LHFPL3: variants seen among roughly 807,000 people sequenced by gnomAD.
LHFPL3 encodes the protein LHFPL tetraspan subfamily member 3 protein.
In LHFPL3, 5 loss-of-function variants were observed where a neutral mutation model predicts 19.3. That is an observed-to-expected ratio of 0.26 (90% CI 0.14 to 0.54). LHFPL3 has a LOEUF of 0.54. Ranked by LOEUF, LHFPL3 falls within the 20% of genes least tolerant of loss-of-function variation. The pLI is 0.94. For synonymous variants in LHFPL3, 133 were observed against 126.2 expected, an observed-to-expected ratio of 1.05 and a Z score of -0.36; for missense variants, 249 against 307.4, an observed-to-expected ratio of 0.81 and a Z score of 1.42.
chr7:104,508,568 C>A (rs1187571597), intron 1 of LHFPL3, among the ~76,000 whole-genome samples: 1 of 150,818 alleles, frequency 6.6e-6, no homozygotes. Flanking sequence ...ATGTAACTAA[C>A]CTGCACAATG....
intron 1 of LHFPL3, among the ~76,000 whole-genome samples, chr7:104,702,078 C>G (rs1488074735): frequency 6.6e-6 from 1 of 152,044 alleles, no homozygotes; most frequent in Admixed American, 6.6e-5. Flanking sequence ...TCCCTGTGTC[C>G]ATGTATTCTC....
intron 1 of LHFPL3, among the ~76,000 whole-genome samples, chr7:104,383,827 A>T (rs1036510749): frequency 3.9e-5 from 6 of 152,154 alleles, no homozygotes; most frequent in African/African-American, 1.4e-4. Flanking sequence ...ATGAATTCTC[A>T]TTAAAGGTTA....
intron 1 of LHFPL3, among the ~76,000 whole-genome samples, chr7:104,517,393 T>G (rs1353156088): frequency 2.7e-5 from 4 of 148,292 alleles, no homozygotes; most frequent in Non-Finnish European, 5.9e-5. Context: ...TGTATTAATT[T>G]TATTAATATG....
At chr7:104,422,206 T>C (rs1360575027) in intron 1 of LHFPL3, among the ~76,000 whole-genome samples, 3 of 152,160 alleles carry the variant, frequency 2.0e-5, no homozygotes, top group African/African-American at 4.8e-5. Context: ...ACTAAAAATA[T>C]AAAAATTAGC....
intron 1 of LHFPL3, among the ~76,000 whole-genome samples, chr7:104,673,293 T>G (rs1376566891): frequency 6.6e-6 from 1 of 152,236 alleles, no homozygotes; most frequent in Non-Finnish European, 1.5e-5. Context: ...CTAATCGTTT[T>G]GTTGGTTTGC....
chr7:104,698,949 A>T (rs563229620), intron 1 of LHFPL3, among the ~76,000 whole-genome samples: 1 of 152,242 alleles, frequency 6.6e-6, no homozygotes, highest in Non-Finnish European at 1.5e-5. Context: ...TTTCAACAAC[A>T]CTAGTCAATA....
intron 1 of LHFPL3, among the ~76,000 whole-genome samples, chr7:104,434,463 A>T (rs547139593): frequency 6.6e-6 from 1 of 152,384 alleles, no homozygotes; most frequent in South Asian, 2.1e-4. Context: ...TCTAGGATAC[A>T]GAAAACTATA....
rs75919261 is a variant in LHFPL3 at position 104,345,937 on chromosome 7, T to A, written c.445+16713T>A. ...ATGTCAGCTTTAGTGCTCCACTACA[T>A]CTTTGGATTGTTGCTTTGTCTTTTT... On this transcript the variant is annotated intron_variant, in intron 1 of 2. Transcript: ENST00000424859. 6.0e-3 allele frequency among the ~76,000 whole-genome samples: 916 copies of A among 152,288 alleles called. 8 individuals carry two copies. Among genetic ancestry groups the A allele is most frequent in the African/African-American group, 0.02 (843 of 41,564 alleles).
At chr7:104,719,305 G>T (rs1349461744) in intron 1 of LHFPL3, among the ~76,000 whole-genome samples, 1 of 151,868 alleles carries the variant, frequency 6.6e-6, no homozygotes, top group Non-Finnish European at 1.5e-5. Context: ...TCTTTGAAAG[G>T]AATATATACC....
Position 104,850,224 on chromosome 7 carries a change from C to T in LHFPL3, c.683-55963C>T, listed in dbSNP as rs192706517. Among the ~76,000 whole-genome samples, 1,204 of 152,300 alleles carry T rather than the reference C, an allele frequency of 7.9e-3. 6 individuals carry two copies. The highest frequency in any genetic ancestry group is 0.013 in the Non-Finnish European group (893 of 68,018). On this transcript the variant is annotated intron_variant, in intron 2 of 2. Coordinates refer to ENST00000424859, the MANE Select transcript of LHFPL3 (RefSeq NM_199000.3). Reference sequence around the variant, plus strand: ...GGCTGAGGCAGGAGAATCACTTGAACCTGGGAGGCAGAGGTTGCGGTGAGC... The same window carrying T: ...GGCTGAGGCAGGAGAATCACTTGAATCTGGGAGGCAGAGGTTGCGGTGAGC...
At chr7:104,758,018 A>G (rs1328643553) in intron 2 of LHFPL3, among the ~76,000 whole-genome samples, 1 of 152,226 alleles carries the variant, frequency 6.6e-6, no homozygotes, top group East Asian at 1.9e-4. Context: ...AATACTACAC[A>G]GCCATAATAG....
At chr7:104,775,405 A>G (rs1292557769) in intron 2 of LHFPL3, among the ~76,000 whole-genome samples, 1 of 152,216 alleles carries the variant, frequency 6.6e-6, no homozygotes, top group East Asian at 1.9e-4. Context: ...CCATCAATCA[A>G]TCAATCAATA....
At chr7:104,365,073 G>A (rs1471102763) in intron 1 of LHFPL3, among the ~76,000 whole-genome samples, 5 of 152,126 alleles carry the variant, frequency 3.3e-5, no homozygotes, top group Non-Finnish European at 4.4e-5. Context: ...GCCAAAGCAG[G>A]CAGATCACCT....
intron 1 of LHFPL3, among the ~76,000 whole-genome samples, chr7:104,430,415 TATAC>T (rs1318224680): frequency 1.5e-3 from 37 of 23,904 alleles, no homozygotes; most frequent in South Asian, 3.0e-3. Flanking sequence ...CATATATATA[TATAC>T]ATATATATAT....
intron 1 of LHFPL3, among the ~76,000 whole-genome samples, chr7:104,615,614 G>T (rs1461114991): frequency 2.0e-5 from 3 of 152,126 alleles, no homozygotes; most frequent in Non-Finnish European, 4.4e-5. Flanking sequence ...ATGGTGGTTT[G>T]CTGCACCCAT....
chr7:104,865,997 A>G (rs1361496209), intron 2 of LHFPL3, among the ~76,000 whole-genome samples: 2 of 152,226 alleles, frequency 1.3e-5, no homozygotes, highest in Non-Finnish European at 2.9e-5. Flanking sequence ...TGAAGGAGAA[A>G]TAAAATACTT....
intron 2 of LHFPL3, among the ~76,000 whole-genome samples, chr7:104,881,055 A>G (rs1792044884): frequency 6.6e-6 from 1 of 151,738 alleles, no homozygotes; most frequent in African/African-American, 2.4e-5. Flanking sequence ...CTGTAGTCCC[A>G]GCTACTTGGG....
At chr7:104,889,736 C>T (rs1792210751) in intron 2 of LHFPL3, among the ~76,000 whole-genome samples, 1 of 152,130 alleles carries the variant, frequency 6.6e-6, no homozygotes, top group Non-Finnish European at 1.5e-5. Flanking sequence ...CAAAGTTTAA[C>T]AGGAGAACTC....
chr7:104,664,177 G>C (rs1792281132), intron 1 of LHFPL3, among the ~76,000 whole-genome samples: 1 of 152,108 alleles, frequency 6.6e-6, no homozygotes, highest in African/African-American at 2.4e-5. Context: ...ACTAGAGCTA[G>C]AAATAATTTC....
Sources: allele counts gnomAD v4.1 joint callset (sites outside exome capture counted in the v4.1 genomes callset), GRCh38; gene constraint gnomAD v4.1.1; transcripts MANE v1.5; gene names NCBI Gene and HGNC (gene_info 2026-07-23, HGNC 2026-07-21).